Variants in CATSPERT observed in about 807,000 individuals in gnomAD.
The protein encoded by CATSPERT is cation channel sperm-associated targeting subunit tau.
chr2:201,538,170 G>T, the CATSPERT span, among the ~76,000 whole-genome samples: 1 of 151,966 alleles, frequency 6.6e-6, no homozygotes, highest in African/African-American at 2.4e-5. Flanking sequence ...TTGTTGAAAA[G>T]CAATTCCCTA....
At chr2:201,547,154 AG>A in the CATSPERT span, among the ~76,000 whole-genome samples, 3 of 152,228 alleles carry the variant, frequency 2.0e-5, no homozygotes, top group Non-Finnish European at 2.9e-5. Context: ...TATTGGCTAA[AG>A]GGTATGGGGT....
chr2:201,493,118 T>C, the CATSPERT span: 1 of 1,527,754 alleles, frequency 6.5e-7, no homozygotes, highest in Non-Finnish European at 8.8e-7. Context: ...ACATTGAAGA[T>C]GTTTTTTAAA....
the CATSPERT span, among the ~76,000 whole-genome samples, chr2:201,572,968 G>GA: frequency 6.6e-6 from 1 of 152,074 alleles, no homozygotes; most frequent in Non-Finnish European, 1.5e-5. Context: ...CAAAACTTTA[G>GA]AAAGGAAAAA....
the CATSPERT span, among the ~76,000 whole-genome samples, chr2:201,611,366 A>G: frequency 6.6e-6 from 1 of 152,242 alleles, no homozygotes. Flanking sequence ...CTTCTGAATA[A>G]CTAAGGGATC....
chr2:201,544,834 A>C, the CATSPERT span, among the ~76,000 whole-genome samples: 3 of 150,214 alleles, frequency 2.0e-5, no homozygotes, highest in African/African-American at 7.3e-5. Context: ...AAAAAAAAAA[A>C]AAAAATACAA....
At chr2:201,512,916 C>T in the CATSPERT span, among the ~76,000 whole-genome samples, 1 of 144,208 alleles carries the variant, frequency 6.9e-6, no homozygotes. Context: ...GAACATCACA[C>T]TCTGGGGACT....
chr2:201,611,329 C>T, the CATSPERT span, among the ~76,000 whole-genome samples: 2 of 152,116 alleles, frequency 1.3e-5, no homozygotes, highest in Non-Finnish European at 2.9e-5. Context: ...TTGGAAAATT[C>T]ACAAAGACGT....
the CATSPERT span, chr2:201,487,829 G>C: frequency 6.2e-7 from 1 of 1,613,968 alleles, no homozygotes; most frequent in Non-Finnish European, 8.5e-7. Flanking sequence ...TAAAAGCCTT[G>C]ATCTTGATTT....
the CATSPERT span, chr2:201,494,886 G>A: frequency 4.9e-6 from 4 of 816,690 alleles, no homozygotes; most frequent in Non-Finnish European, 6.6e-6. Flanking sequence ...TCCACAAAGG[G>A]AGAAAATCAA....
At chr2:201,551,583 T>C in the CATSPERT span, among the ~76,000 whole-genome samples, 1 of 152,196 alleles carries the variant, frequency 6.6e-6, no homozygotes, top group Non-Finnish European at 1.5e-5. Context: ...CACCTATTCT[T>C]GCTATAGCAG....
chr2:201,571,288 G>A, the CATSPERT span, among the ~76,000 whole-genome samples: 20 of 152,178 alleles, frequency 1.3e-4, no homozygotes, highest in Non-Finnish European at 2.8e-4. Flanking sequence ...GCACTTCAGA[G>A]CACAATTTCC....
At chr2:201,562,971 C>G in the CATSPERT span, among the ~76,000 whole-genome samples, 11 of 150,254 alleles carry the variant, frequency 7.3e-5, no homozygotes, top group South Asian at 2.1e-4. Context: ...CACCTTTCCC[C>G]CCTTTCTATT....
At chr2:201,612,604 A>C in the CATSPERT span, among the ~76,000 whole-genome samples, 1 of 150,286 alleles carries the variant, frequency 6.7e-6, no homozygotes, top group Non-Finnish European at 1.5e-5. Flanking sequence ...AAAAAAGCCA[A>C]GATAGCCAAA....
chr2:201,506,607 G>T, the CATSPERT span, among the ~76,000 whole-genome samples: 5,890 of 152,206 alleles, frequency 0.039, 181 homozygotes, highest in African/African-American at 0.08. Flanking sequence ...AGACTGGAGT[G>T]CACTGGCCTG....
chr2:201,521,619 C>T, the CATSPERT span, among the ~76,000 whole-genome samples: 1 of 152,156 alleles, frequency 6.6e-6, no homozygotes. Flanking sequence ...GATGCAAATC[C>T]AAACCATATC....
the CATSPERT span, among the ~76,000 whole-genome samples, chr2:201,514,131 AAAG>A: frequency 5.9e-5 from 9 of 152,174 alleles, no homozygotes; most frequent in Admixed American, 1.3e-4. Flanking sequence ...GAAAATAGCA[AAAG>A]AAGAACAAAT....
At chr2:201,491,305 T>TC in the CATSPERT span, 3 of 1,537,886 alleles carry the variant, frequency 2.0e-6, no homozygotes, top group Non-Finnish European at 2.6e-6. Context: ...GGCGACACGG[T>TC]CTCTTTCTTT....
chr2:201,590,280 C>T, the CATSPERT span, among the ~76,000 whole-genome samples: 1,259 of 151,820 alleles, frequency 8.3e-3, 5 homozygotes, highest in Middle Eastern at 0.014. Context: ...ATGATGATTT[C>T]CAATTTCATC....
chr2:201,602,418 C>A, the CATSPERT span, among the ~76,000 whole-genome samples: 1 of 151,932 alleles, frequency 6.6e-6, no homozygotes, highest in South Asian at 2.1e-4. Flanking sequence ...GAATTATTTT[C>A]CAAAATTCTC....
Sources: gnomAD v4.1 joint callset for allele counts (sites outside exome capture counted in the v4.1 genomes callset) on GRCh38, gnomAD v4.1.1 for gene constraint, MANE v1.5 for transcripts, NCBI Gene and HGNC (gene_info 2026-07-23, HGNC 2026-07-21) for gene names.